The following APBA2 variants were observed in gnomAD, a reference collection of about 807,000 sequenced individuals.
APBA2 encodes the protein amyloid-beta A4 precursor protein-binding family A member 2.
In APBA2, 30 loss-of-function variants were observed where a neutral mutation model predicts 75.0. That is an observed-to-expected ratio of 0.40 (90% CI 0.30 to 0.54). The LOEUF is 0.54. Among genes scored for constraint, APBA2 ranks in the 20% least tolerant of loss-of-function variants. The pLI, the probability that APBA2 is intolerant of heterozygous loss-of-function variation, is 0.49. For synonymous variants in APBA2, 444 were observed against 409.6 expected (o/e 1.08, Z -1.01); for missense variants, 801 against 1,016.1 (o/e 0.79, Z 2.88).
chr15:28,977,611 G>A (rs565450811), intron 2 of APBA2: 1 of 152,290 alleles, frequency 6.6e-6, no homozygotes, highest in Admixed American at 6.5e-5. Flanking sequence ...CAGCTGCTAG[G>A]GTGCCTGGTG....
In APBA2 at chr15:28,989,734, G is replaced by A. The variant is rs1013791640; in HGVS notation, c.-94-6019G>A. Among the ~76,000 whole-genome samples the A allele has an allele frequency of 7.2e-5, 11 of 152,150 alleles. No homozygotes were observed. In the South Asian group the frequency reaches 1.7e-3, roughly 23 times the overall value. ...GACGAGGAGGCAAGCCAGCAGAGGC[G>A]GCCTTGGCGGGCTGTGTACACCCTC... On this transcript the variant is annotated intron_variant, in intron 2 of 14. Transcript: ENST00000683413.
chr15:29,037,465 C>T (rs929586453), intron 3 of APBA2, among the ~76,000 whole-genome samples: 9 of 152,054 alleles, frequency 5.9e-5, no homozygotes, highest in African/African-American at 2.2e-4. Context: ...ATCACCATGG[C>T]CAGTGCCTCT....
intron 4 of APBA2, among the ~76,000 whole-genome samples, chr15:29,055,384 T>A (rs1417150576): frequency 6.6e-6 from 1 of 152,148 alleles, no homozygotes; most frequent in African/African-American, 2.4e-5. Flanking sequence ...TGGAAAAGGA[T>A]TTTTTGAAGG....
chr15:29,093,443 C>T (rs1295989610), intron 7 of APBA2, among the ~76,000 whole-genome samples: 3 of 152,208 alleles, frequency 2.0e-5, no homozygotes, highest in Admixed American at 6.5e-5. Flanking sequence ...AAGAGGCCCA[C>T]GGAATCCCAG....
At chr15:28,931,393 G>A (rs189103874) in intron 2 of APBA2, among the ~76,000 whole-genome samples, 1 of 152,288 alleles carries the variant, frequency 6.6e-6, no homozygotes, top group South Asian at 2.1e-4. Context: ...AACTAAAGCC[G>A]CTGAGACTCA....
intron 3 of APBA2, chr15:29,044,358 A>G (rs964564102): frequency 1.3e-5 from 2 of 152,206 alleles, no homozygotes; most frequent in Admixed American, 6.5e-5. Context: ...CGCATTAGCT[A>G]TTGATTTATG....
chr15:29,021,947 C>A (rs563133799), intron 3 of APBA2, among the ~76,000 whole-genome samples: 2 of 152,254 alleles, frequency 1.3e-5, no homozygotes, highest in African/African-American at 4.8e-5. Flanking sequence ...CAGTTTCATC[C>A]GTGTGGCTGT....
At chr15:28,989,388 G>C (rs187473501) in intron 2 of APBA2, among the ~76,000 whole-genome samples, 5 of 152,266 alleles carry the variant, frequency 3.3e-5, no homozygotes, top group African/African-American at 9.6e-5. Flanking sequence ...GCGCAGGTTC[G>C]TATCTGTGAA....
intron 3 of APBA2, among the ~76,000 whole-genome samples, chr15:29,032,826 C>G (rs895001789): frequency 1.3e-5 from 2 of 152,166 alleles, no homozygotes; most frequent in Non-Finnish European, 2.9e-5. Flanking sequence ...GCCTCTGAGA[C>G]CAGATCCCGG....
At chr15:28,993,902 A>G (rs1023039362) in intron 2 of APBA2, among the ~76,000 whole-genome samples, 2 of 152,150 alleles carry the variant, frequency 1.3e-5, no homozygotes, top group Non-Finnish European at 2.9e-5. Flanking sequence ...ACAGCTGCCC[A>G]GAGCCGGAGT....
Position 29,076,097 on chromosome 15 carries a change from T to C in APBA2, c.1069+6T>C, listed in dbSNP as rs1255782413. 6.2e-7 allele frequency: 1 copy of C among 1,613,836 alleles called. No homozygotes were observed. The highest frequency in any genetic ancestry group is 1.7e-5 in the Admixed American group (1 of 59,994). On this transcript the variant is annotated splice_donor_region_variant and intron_variant, in intron 6 of 14. Transcript: ENST00000683413. ...ATTTCCAAGTTTTGTGGCTGGTAAG[T>C]GACTTTGAATTTTATTTCTCAAGGG...
intron 8 of APBA2, among the ~76,000 whole-genome samples, chr15:29,096,613 G>C (rs1262384463): frequency 2.6e-5 from 4 of 152,220 alleles, no homozygotes; most frequent in African/African-American, 9.6e-5. Context: ...TGAGTTAAAA[G>C]CAAAGAAAGC....
intron 2 of APBA2, among the ~76,000 whole-genome samples, chr15:28,932,534 T>G (rs1230069567): frequency 6.6e-6 from 1 of 152,202 alleles, no homozygotes; most frequent in Non-Finnish European, 1.5e-5. Flanking sequence ...ACGTCCACAG[T>G]GGCTTAGCCT....
chr15:28,915,898 A>G (rs2033667985), intron 1 of APBA2, among the ~76,000 whole-genome samples: 1 of 151,174 alleles, frequency 6.6e-6, no homozygotes, highest in South Asian at 2.1e-4. Context: ...CATGCACCAC[A>G]CACCCACACC....
chr15:28,958,351 G>A (rs945312463), intron 2 of APBA2, among the ~76,000 whole-genome samples: 3 of 152,242 alleles, frequency 2.0e-5, no homozygotes, highest in Non-Finnish European at 4.4e-5. Flanking sequence ...GCCCTGTGGC[G>A]TGGGAGCTGT....
At chr15:28,947,611 C>G (rs935062126) in intron 2 of APBA2, among the ~76,000 whole-genome samples, 1 of 152,182 alleles carries the variant, frequency 6.6e-6, no homozygotes, top group African/African-American at 2.4e-5. Context: ...ACATGAGAGG[C>G]CCGTAGCCCA....
At chr15:28,935,219 G>T (rs1312411436) in intron 2 of APBA2, among the ~76,000 whole-genome samples, 1 of 152,192 alleles carries the variant, frequency 6.6e-6, no homozygotes, top group African/African-American at 2.4e-5. Flanking sequence ...GCCCTGCACG[G>T]TGGCCCGGAC....
In APBA2 at chr15:29,054,138, A is replaced by G. The variant is rs767868222; in HGVS notation, c.254A>G (p.Asp85Gly). The part of the protein sequence containing the change: ...DYVNNTSEEE[D>G]YDEGLPEEEE... ...GTGAACAACACCTCTGAGGAGGAGG[A>G]CTATGACGAGGGCCTCCCTGAGGAG... Residue 85 changes from aspartate (D) to glycine (G), a missense_variant, in exon 4 of 15, where the codon GAC (aspartate) becomes GGC (glycine). Transcript: ENST00000683413. This position sits in a 1 kb window ranked among gnomAD's most constrained non-coding sequence, Gnocchi z 6.1. The G allele has an allele frequency of 9.3e-6, 15 of 1,614,150 alleles. No homozygotes were observed. Among genetic ancestry groups the G allele is most frequent in the Non-Finnish European group, 1.2e-5 (14 of 1,180,024 alleles).
intron 12 of APBA2, 69 bp from the exon 13 acceptor site, chr15:29,108,201 C>G (rs2044533241): frequency 6.2e-7 from 1 of 1,607,982 alleles, no homozygotes; most frequent in Admixed American, 1.7e-5. Flanking sequence ...ACCCTGCCAG[C>G]CTCGCTCATC....
Sources: gnomAD v4.1 joint callset for allele counts (sites outside exome capture counted in the v4.1 genomes callset) on GRCh38, gnomAD v4.1.1 for gene constraint, Gnocchi (gnomAD v3.1) non-coding constraint, MANE v1.5 for transcripts, NCBI Gene and HGNC (gene_info 2026-07-23, HGNC 2026-07-21) for gene names.